Variants in NOLC1 observed in about 807,000 individuals in gnomAD.
NOLC1 encodes 140 kDa nucleolar phosphoprotein.
A neutral mutation model predicts 73.4 loss-of-function variants in NOLC1; 37 were observed. The ratio of observed to expected loss-of-function variants is 0.50; its 90% CI spans 0.39 to 0.66. The LOEUF (loss-of-function observed/expected upper bound fraction) is 0.66. Ranked by LOEUF, NOLC1 falls within the 30% of genes least tolerant of loss-of-function variation. The pLI is 0.00. For missense variants in NOLC1, 921 were observed against 838.9 expected (o/e 1.10, Z -1.21); for synonymous variants, 327 against 302.6 (o/e 1.08, Z -0.84).
intron 10 of NOLC1, 64 bp downstream of exon 10, chr10:102,161,157 T>G (rs994064676): frequency 6.7e-7 from 1 of 1,490,842 alleles, no homozygotes; most frequent in African/African-American, 1.4e-5. Flanking sequence ...GATATACTCT[T>G]TGAGAGTAGG....
intron 8 of NOLC1, 85 bp from the exon 9 acceptor site, chr10:102,160,148 C>T: frequency 7.5e-6 from 12 of 1,592,590 alleles, no homozygotes; most frequent in Non-Finnish European, 1.0e-5. Flanking sequence ...AGCTAAGGCT[C>T]TGTGCGTGTC....
At chr10:102,157,375 T>C in intron 3 of NOLC1, 47 bp downstream of exon 3, 1 of 1,613,342 alleles carries the variant, frequency 6.2e-7, no homozygotes, top group Non-Finnish European at 8.5e-7. Context: ...GAAAAGAATT[T>C]ACAGCCTGCT....
chr10:102,153,954 C>T (rs1318950630), intron 1 of NOLC1, among the ~76,000 whole-genome samples: 1 of 151,228 alleles, frequency 6.6e-6, no homozygotes, highest in African/African-American at 2.4e-5. Context: ...ATTACAGGCG[C>T]GAGCCACCGT....
Position 102,162,185 on chromosome 10 carries a change from TGAGAAAACCAA to T in NOLC1, c.2019_2029del (p.Lys674GlufsTer18). 6.2e-7 allele frequency: 1 copy of T among 1,614,074 alleles called. No homozygotes were observed. The highest frequency in any genetic ancestry group is 8.5e-7 in the Non-Finnish European group (1 of 1,180,030). On this transcript the variant is annotated frameshift_variant, in exon 13 of 13. Transcript: ENST00000605788. LOFTEE classifies it high-confidence loss of function. The stretch of plus-strand genomic sequence containing the variant: ...TCACCAAAGGCAAGTCCTTTCGGCA[TGAGAAAACCAA>T]GAAGAAGCGGGGCAGCTACCGGGGA...
At position 102,158,172 on chromosome 10, in the gene NOLC1, C is replaced by T. The variant is rs750590649; in HGVS notation, c.565C>T (p.Pro189Ser). Reference protein sequence around the residue: ...PPKNQKPKITPVTVKAQTKAP... With the variant: ...PPKNQKPKITSVTVKAQTKAP... ...AAAGAACCAGAAGCCAAAGATAACACCTGTGACAGTTAAAGCTCAGACTAA... is the reference window on the plus strand; with the variant it reads ...AAAGAACCAGAAGCCAAAGATAACATCTGTGACAGTTAAAGCTCAGACTAA... The change falls in exon 5 of 13, where the codon CCT becomes TCT. Residue 189 changes from proline to serine, a missense_variant. By Grantham distance (74) the Pro-to-Ser change is moderately conservative. Coordinates refer to ENST00000605788, the MANE Select transcript of NOLC1 (RefSeq NM_004741.5). 6.2e-7 allele frequency: 1 copy of T among 1,614,122 alleles called. No individual in the cohort carries two copies. The highest frequency in any genetic ancestry group is 8.5e-7 in the Non-Finnish European group (1 of 1,180,002).
intron 1 of NOLC1, among the ~76,000 whole-genome samples, chr10:102,154,818 T>C (rs1490974397): frequency 2.0e-5 from 3 of 151,766 alleles, no homozygotes; most frequent in African/African-American, 7.3e-5. Flanking sequence ...CGTGAGCCAC[T>C]GCACCTGGCC....
In NOLC1 at chr10:102,159,925, G is replaced by C. The variant is rs368180470; in HGVS notation, c.889G>C (p.Ala297Pro). 1.2e-4 allele frequency: 195 copies of C among 1,606,580 alleles called. No individual in the cohort carries two copies. Among genetic ancestry groups the C allele is most frequent in the Non-Finnish European group, 1.6e-4 (185 of 1,176,748 alleles). Residue 297 changes from alanine to proline, a missense_variant, in exon 8 of 13, where the codon GCT (alanine) becomes CCT (proline). Physicochemically the swap from Ala to Pro is conservative, Grantham distance 27. Coordinates refer to ENST00000605788, the MANE Select transcript of NOLC1 (RefSeq NM_004741.5). ...CTACAGTTCAGTCCCCCCGCCTTCT[G>C]CTCCCCCACCAAAGAAGTCTCTGGG... ...GPYSSVPPPS[A>P]PPPKKSLGTQ... is the part of the protein sequence containing the mutation.
rs2069608767 is a variant in NOLC1 at position 102,157,062 on chromosome 10, G to C, written c.164G>C (p.Ser55Thr). 6 of 1,614,128 alleles carry C rather than the reference G, an allele frequency of 3.7e-6. No homozygotes were observed. Among genetic ancestry groups the C allele is most frequent in the Non-Finnish European group, 5.1e-6 (6 of 1,180,022 alleles). The part of the protein sequence containing the change: ...ANASSLLDIY[S>T]FWLKSAKVPE... ...GCCTCTTCCCTCTTAGACATCTATAGCTTCTGGCTCAAGTAAGCCTTTCCT... is the reference window on the plus strand; with the variant it reads ...GCCTCTTCCCTCTTAGACATCTATACCTTCTGGCTCAAGTAAGCCTTTCCT... Residue 55 changes from serine (S) to threonine (T), a missense_variant, in exon 2 of 13, where the codon AGC (serine) becomes ACC (threonine). Ser to Thr is a moderately conservative substitution (Grantham distance 58). Transcript: ENST00000605788.
chr10:102,155,392 A>G (rs527600079), intron 1 of NOLC1, among the ~76,000 whole-genome samples: 31 of 151,024 alleles, frequency 2.1e-4, no homozygotes, highest in South Asian at 1.0e-3. Context: ...AAAAAAAAAA[A>G]AGAGAGAGAG....
Position 102,160,640 on chromosome 10 carries a change from A to G in NOLC1, c.1288A>G (p.Ser430Gly). The G allele has an allele frequency of 6.2e-7, 1 of 1,614,164 alleles. No homozygotes were observed. The highest frequency in any genetic ancestry group is 8.5e-7 in the Non-Finnish European group (1 of 1,180,018). Residue 430 changes from serine to glycine, a missense_variant, in exon 10 of 13, where the codon AGC (serine) becomes GGC (glycine). Transcript: ENST00000605788. ...TGACAGCAGCTCCAGTGAGGAAGAG[A>G]GCAGCTCCAGTGAGGAGGAGAAGAC... Reference protein sequence around the residue: ...KADSSSSEEESSSSEEEKTKK... With the variant: ...KADSSSSEEEGSSSEEEKTKK...
At position 102,159,645 on chromosome 10, in the gene NOLC1, G is replaced by A. The variant is rs938329264; in HGVS notation, c.859+77G>A. ...CAGTAACCACATGGACCTCTCCATA[G>A]AGGTGCATGAGCGTCCTCATGACAT... On this transcript the variant is annotated intron_variant, in intron 7 of 12. Coordinates refer to ENST00000605788, the MANE Select transcript of NOLC1 (RefSeq NM_004741.5). The A allele has an allele frequency of 4.2e-6, 6 of 1,429,150 alleles. No individual in the cohort carries two copies. The East Asian group carries it at 1.2e-4, about 28-fold the overall frequency. 88.5% of individuals were successfully genotyped at this position (1,429,150 alleles called of 1,614,324 possible).
chr10:102,155,925 C>CA (rs2069587101), intron 1 of NOLC1, among the ~76,000 whole-genome samples: 1 of 151,948 alleles, frequency 6.6e-6, no homozygotes, highest in African/African-American at 2.4e-5. Flanking sequence ...GGCGCGATCT[C>CA]AGCTTACTGC....
chr10:102,154,997 A>G (rs2069567380), intron 1 of NOLC1, among the ~76,000 whole-genome samples: 2 of 149,788 alleles, frequency 1.3e-5, no homozygotes, highest in African/African-American at 4.9e-5. Flanking sequence ...CTAGGACTAC[A>G]GACATGTACC....
intron 1 of NOLC1, among the ~76,000 whole-genome samples, chr10:102,154,406 T>G (rs531381392): frequency 6.6e-6 from 1 of 152,216 alleles, no homozygotes; most frequent in Admixed American, 6.5e-5. Context: ...TCTTATCCTC[T>G]CAATAACTTA....
intron 7 of NOLC1, 46 bp downstream of exon 7, chr10:102,159,614 C>T: frequency 6.3e-7 from 1 of 1,585,960 alleles, no homozygotes; most frequent in Non-Finnish European, 8.6e-7. Flanking sequence ...GGTCAGGGCC[C>T]AGCTGCAGTA....
At position 102,160,758 on chromosome 10, in the gene NOLC1, G is replaced by A; in HGVS notation, c.1406G>A (p.Ser469Asn). 6.2e-7 allele frequency: 1 copy of A among 1,614,262 alleles called. No homozygotes were observed. Among genetic ancestry groups the A allele is most frequent in the Non-Finnish European group, 8.5e-7 (1 of 1,180,042 alleles). Residue 469 changes from serine (S) to asparagine (N), a missense_variant, in exon 10 of 13, where the codon AGC becomes AAC. Transcript: ENST00000605788. ...AKQAPQGSRD[S>N]SSDSDSSSSE... ...CAGGCTCCTCAGGGTAGTAGGGACA[G>A]CAGCTCTGATTCAGACAGCTCCAGC...
At chr10:102,154,069 ATTTT>A (rs58538934) in intron 1 of NOLC1, among the ~76,000 whole-genome samples, 2 of 116,404 alleles carry the variant, frequency 1.7e-5, no homozygotes, top group African/African-American at 3.6e-5. Context: ...CATGCATTTA[ATTTT>A]TTTTTTTTTT....
At chr10:102,155,390 AAAAGAG>A (rs1168033230) in intron 1 of NOLC1, among the ~76,000 whole-genome samples, 4 of 151,918 alleles carry the variant, frequency 2.6e-5, no homozygotes, top group African/African-American at 9.7e-5. Flanking sequence ...CAAAAAAAAA[AAAAGAG>A]AGAGAGAGAG....
At chr10:102,153,876 T>A (rs1328938113) in intron 1 of NOLC1, among the ~76,000 whole-genome samples, 1 of 151,682 alleles carries the variant, frequency 6.6e-6, no homozygotes, top group East Asian at 1.9e-4. Context: ...TTTCACCATG[T>A]TGGCCAGGCT....
Sources: allele counts gnomAD v4.1 joint callset (sites outside exome capture counted in the v4.1 genomes callset), GRCh38; gene constraint gnomAD v4.1.1; transcripts MANE v1.5; gene names NCBI Gene and HGNC (gene_info 2026-07-23, HGNC 2026-07-21).